Variants in PRDM10 observed in about 807,000 individuals in gnomAD.
PRDM10 encodes PR domain zinc finger protein 10.
In PRDM10, 65 loss-of-function variants were observed where a neutral mutation model predicts 133.1. The observed-to-expected ratio is 0.49, with a 90% CI of 0.40 to 0.60. The LOEUF is 0.60. PRDM10 is among the 20% of genes least tolerant of loss of function. PRDM10 has a pLI of 0.00. For synonymous variants in PRDM10, 582 were observed against 580.4 expected (o/e 1.00, Z -0.04); for missense variants, 1,137 against 1,507.1 (o/e 0.75, Z 4.07).
At chr11:129,940,255 CATAAA>C (rs1286470121) in intron 7 of PRDM10, among the ~76,000 whole-genome samples, 1 of 152,084 alleles carries the variant, frequency 6.6e-6, no homozygotes, top group East Asian at 1.9e-4. Flanking sequence ...CTTAATGGTG[CATAAA>C]ATAATAGTGC....
At chr11:129,971,818 C>CG (rs1483326285) in intron 1 of PRDM10, among the ~76,000 whole-genome samples, 2 of 152,262 alleles carry the variant, frequency 1.3e-5, no homozygotes, top group African/African-American at 4.8e-5. Flanking sequence ...CTGCCAGTCC[C>CG]GTGCCGTGCG....
In PRDM10 at chr11:129,918,963, C is replaced by T. The variant is rs747913942; in HGVS notation, c.2035-245G>A. ...ACCATTAAATAGGAAAGATACATACCGACTTTTGAGAATAAAGACTGTGCA... is the reference window on the plus strand; with the variant it reads ...ACCATTAAATAGGAAAGATACATACTGACTTTTGAGAATAAAGACTGTGCA... On this transcript the variant is annotated intron_variant, in intron 13 of 20. Coordinates refer to ENST00000360871, the MANE Select transcript of PRDM10 (RefSeq NM_199437.2). The surrounding 1 kb of genome is among the most constrained non-coding windows in gnomAD (Gnocchi z 5.3). Among the ~76,000 whole-genome samples, 3 of 151,980 alleles carry T rather than the reference C, an allele frequency of 2.0e-5. No homozygotes were observed. The highest frequency in any genetic ancestry group is 4.4e-5 in the Non-Finnish European group (3 of 68,014).
At chr11:129,955,279 A>T (rs550262676) in intron 4 of PRDM10, among the ~76,000 whole-genome samples, 15 of 152,348 alleles carry the variant, frequency 9.8e-5, no homozygotes, top group African/African-American at 3.4e-4. Flanking sequence ...TGCTTATTTT[A>T]AAAAATTTCT....
intron 3 of PRDM10, among the ~76,000 whole-genome samples, chr11:129,956,105 C>T (rs567350432): frequency 2.5e-4 from 38 of 152,046 alleles, no homozygotes; most frequent in African/African-American, 8.9e-4. Context: ...TTCTTTTCTA[C>T]ATAGTCAGTA....
At chr11:129,960,579 A>G (rs1951777381) in intron 2 of PRDM10, among the ~76,000 whole-genome samples, 1 of 152,242 alleles carries the variant, frequency 6.6e-6, no homozygotes, top group Non-Finnish European at 1.5e-5. Context: ...TGGATAACGT[A>G]AAAGAAACAA....
At chr11:129,996,135 T>G (rs1939053123) in intron 1 of PRDM10, among the ~76,000 whole-genome samples, 1 of 152,206 alleles carries the variant, frequency 6.6e-6, no homozygotes, top group Non-Finnish European at 1.5e-5. Context: ...ATTTAGAATC[T>G]GTTTGGGAAG....
chr11:129,984,200 C>T (rs756555321), intron 1 of PRDM10, among the ~76,000 whole-genome samples: 8 of 152,226 alleles, frequency 5.3e-5, no homozygotes, highest in Admixed American at 4.6e-4. Flanking sequence ...TCACCGCACT[C>T]GCTCAGCGGA....
At chr11:129,939,229 CTA>C (rs1167203960) in intron 7 of PRDM10, among the ~76,000 whole-genome samples, 6 of 152,150 alleles carry the variant, frequency 3.9e-5, no homozygotes, top group African/African-American at 1.4e-4. Flanking sequence ...GGGAGCTGGT[CTA>C]TGTTTTCTAG....
At position 129,918,060 on chromosome 11, in the gene PRDM10, G is replaced by C. The variant is rs1023491252; in HGVS notation, c.2214+479C>G. Among the ~76,000 whole-genome samples, 8 of 152,168 alleles carry C rather than the reference G, an allele frequency of 5.3e-5. No homozygotes were observed. The highest frequency in any genetic ancestry group is 1.4e-4 in the African/African-American group (6 of 41,444). On this transcript the variant is annotated intron_variant, in intron 14 of 20. Transcript: ENST00000360871. The surrounding 1 kb of genome is among the most constrained non-coding windows in gnomAD (Gnocchi z 5.3). ...GCAGGAGAATCGCTTGAACCTGGGA[G>C]GGGGAGGTTGCAGTGAGCTGAGATC...
intron 16 of PRDM10, 93 bp downstream of exon 16, chr11:129,915,567 C>A: frequency 3.0e-6 from 4 of 1,335,192 alleles, no homozygotes; most frequent in South Asian, 2.9e-5. Flanking sequence ...TCAGAAGGAG[C>A]CATCCAGGCC....
chr11:129,985,537 A>G (rs1164994704), intron 1 of PRDM10, among the ~76,000 whole-genome samples: 1 of 151,792 alleles, frequency 6.6e-6, no homozygotes, highest in Non-Finnish European at 1.5e-5. Flanking sequence ...CATGCCTGTA[A>G]CCCCAGCACT....
chr11:129,944,206 G>C (rs1565484417), intron 6 of PRDM10, among the ~76,000 whole-genome samples: 1 of 152,114 alleles, frequency 6.6e-6, no homozygotes, highest in Non-Finnish European at 1.5e-5. Context: ...AATGTCTGTT[G>C]TTTGAGCCTC....
Position 129,900,708 on chromosome 11 carries a change from G to A in PRDM10, c.*1605C>T, listed in dbSNP as rs1367973725. ...CCGAACCTGTGTTTTGCAATGCAGG[G>A]TCAATATTTTCTGTTGAATATCTTT... On this transcript the variant is annotated 3_prime_UTR_variant, in exon 21 of 21. Transcript: ENST00000360871. The A allele has an allele frequency of 1.3e-5, 2 of 152,138 alleles. No homozygotes were observed. Among genetic ancestry groups the A allele is most frequent in the African/African-American group, 4.8e-5 (2 of 41,422 alleles). 9.4% of individuals were successfully genotyped at this position (152,138 alleles called of 1,614,324 possible). A position where few individuals can be genotyped will look rare whatever the true frequency, so the allele number is the denominator to read the frequency against.
chr11:129,958,905 C>T (rs1951746079), intron 2 of PRDM10, among the ~76,000 whole-genome samples: 1 of 152,196 alleles, frequency 6.6e-6, no homozygotes, highest in South Asian at 2.1e-4. Context: ...TTTTGTAAAA[C>T]ACTTTCTGAG....
chr11:129,918,744 G>A lies in PRDM10; in HGVS notation c.2035-26C>T, dbSNP rs963752314. 8 of 1,585,368 alleles carry A rather than the reference G, an allele frequency of 5.0e-6. No individual in the cohort carries two copies. Among genetic ancestry groups the A allele is most frequent in the East Asian group, 4.5e-5 (2 of 44,398 alleles). On this transcript the variant is annotated intron_variant, in intron 13 of 20. Coordinates refer to ENST00000360871, the MANE Select transcript of PRDM10 (RefSeq NM_199437.2). The surrounding 1 kb of genome is among the most constrained non-coding windows in gnomAD (Gnocchi z 5.3). ...CTATTTGGAGAGTATTTTTGAAAAC[G>A]GGGTAGACACGGGGGTAGAAAATTT...
chr11:129,914,188 G>C lies in PRDM10; in HGVS notation c.2841+516C>G, dbSNP rs180874597. Among the ~76,000 whole-genome samples the C allele has an allele frequency of 2.0e-5, 3 of 152,306 alleles. No individual in the cohort carries two copies. The East Asian group carries it at 5.8e-4, about 29-fold the overall frequency. Reference sequence around the variant, plus strand: ...AGCTAATTTTTGTATTTTTAGTAGAGACGAGATTTTGCCATGTTGGCCAGG... The same window carrying C: ...AGCTAATTTTTGTATTTTTAGTAGACACGAGATTTTGCCATGTTGGCCAGG... On this transcript the variant is annotated intron_variant, in intron 17 of 20. Coordinates refer to ENST00000360871, the MANE Select transcript of PRDM10 (RefSeq NM_199437.2).
chr11:129,914,190 C>A (rs1049564254), intron 17 of PRDM10, among the ~76,000 whole-genome samples: 15 of 152,134 alleles, frequency 9.9e-5, no homozygotes, highest in Admixed American at 1.3e-4. Context: ...TTAGTAGAGA[C>A]GAGATTTTGC....
chr11:129,998,830 T>C (rs1276676815), intron 1 of PRDM10, among the ~76,000 whole-genome samples: 2 of 151,500 alleles, frequency 1.3e-5, no homozygotes, highest in African/African-American at 4.9e-5. Flanking sequence ...TTTTTTTTTT[T>C]TTTTTTTTGG....
Position 129,932,090 on chromosome 11 carries a change from G to A in PRDM10, c.1287+12C>T, listed in dbSNP as rs767996338. The A allele has an allele frequency of 1.9e-5, 31 of 1,610,364 alleles. No individual in the cohort carries two copies. Among genetic ancestry groups the A allele is most frequent in the Middle Eastern group, 1.6e-4 (1 of 6,066 alleles). ...AAGCACCTAAGGAGGGCTCCTTCCC[G>A]TCCCCCCGTACCTGTGTCCCATCGT... is the stretch of plus-strand genomic sequence containing the variant. On this transcript the variant is annotated intron_variant, in intron 10 of 20. Transcript: ENST00000360871.
Sources: allele counts gnomAD v4.1 joint callset (sites outside exome capture counted in the v4.1 genomes callset), GRCh38; gene constraint gnomAD v4.1.1; non-coding constraint Gnocchi (gnomAD v3.1); transcripts MANE v1.5; gene names NCBI Gene and HGNC (gene_info 2026-07-23, HGNC 2026-07-21).